NXN: variants seen among roughly 807,000 people sequenced by gnomAD.
NXN encodes the protein nucleoredoxin 1.
NXN carries 16 observed loss-of-function variants against 48.6 expected under a neutral mutation model. The observed-to-expected ratio is 0.33, with a 90% CI of 0.22 to 0.50. The LOEUF (loss-of-function observed/expected upper bound fraction) is 0.50, where lower values mean the gene tolerates loss of function less well. NXN is among the 20% of genes least tolerant of loss of function. The pLI is 0.98. For missense variants in NXN, 492 were observed against 605.5 expected (o/e 0.81, Z 1.97); for synonymous variants, 281 against 269.6 (o/e 1.04, Z -0.41).
intron 1 of NXN, among the ~76,000 whole-genome samples, chr17:952,224 G>A (rs1013903212): frequency 2.9e-5 from 3 of 102,510 alleles, no homozygotes; most frequent in African/African-American, 3.6e-5. Flanking sequence ...CAGGTACCAC[G>A]GACGGTCACA....
intron 2 of NXN, among the ~76,000 whole-genome samples, chr17:824,326 C>T (rs984487099): frequency 3.9e-5 from 6 of 152,170 alleles, no homozygotes; most frequent in Admixed American, 6.6e-5. Flanking sequence ...GAATTACAGG[C>T]GTGAGCCACC....
chr17:924,247 A>ATTTG, intron 1 of NXN, among the ~76,000 whole-genome samples: 1 of 151,286 alleles, frequency 6.6e-6, no homozygotes, highest in Non-Finnish European at 1.5e-5. Flanking sequence ...TTATTTATTT[A>ATTTG]TTTTTTGAGA....
At chr17:807,806 C>T (rs76385480) in intron 5 of NXN, among the ~76,000 whole-genome samples, 2,322 of 152,390 alleles carry the variant, frequency 0.015, 38 homozygotes, top group Admixed American at 0.045. Context: ...GCTTGGCCTA[C>T]AGCCATGACG....
chr17:897,327 C>T (rs1025716562), intron 1 of NXN, among the ~76,000 whole-genome samples: 3 of 152,206 alleles, frequency 2.0e-5, no homozygotes, highest in African/African-American at 4.8e-5. Flanking sequence ...GTCACTGAAA[C>T]AAAGCCAGCA....
chr17:887,771 ACATG>A (rs927021188), intron 1 of NXN, among the ~76,000 whole-genome samples: 26 of 151,046 alleles, frequency 1.7e-4, no homozygotes, highest in African/African-American at 6.4e-4. Flanking sequence ...ACGTGTTTCT[ACATG>A]CCTTTTCCAC....
At chr17:863,811 A>T in intron 1 of NXN, 1 of 734,070 alleles carries the variant, frequency 1.4e-6, no homozygotes, top group Non-Finnish European at 2.3e-6. Flanking sequence ...CCACATACAA[A>T]TGGACCCTTG....
chr17:859,778 G>A (rs1381789258), intron 1 of NXN, among the ~76,000 whole-genome samples: 1 of 152,178 alleles, frequency 6.6e-6, no homozygotes. Context: ...TGGCCCTCAG[G>A]CCGTTCCAGA....
At position 804,885 on chromosome 17, in the gene NXN, C is replaced by G. The variant is rs371967574; in HGVS notation, c.1000+183G>C. On this transcript the variant is annotated intron_variant, in intron 6 of 7. Coordinates refer to ENST00000336868, the MANE Select transcript of NXN (RefSeq NM_022463.5). ...TAGGAGGGAAAGTGCAGCTGCAGCTCCCACAGGGGCCAGCCATGAATAAAT... is the reference window on the plus strand; with the variant it reads ...TAGGAGGGAAAGTGCAGCTGCAGCTGCCACAGGGGCCAGCCATGAATAAAT... Among the ~76,000 whole-genome samples the G allele has an allele frequency of 6.9e-3, 1,057 of 152,294 alleles. 15 individuals are homozygous for G. The highest frequency in any genetic ancestry group is 0.024 in the African/African-American group (988 of 41,572).
rs61160867 is a variant in NXN, at chr17:882,013, G to T, written c.361-55935C>A. ...ATGGAAATGTTCTTGGTCTTGTTTGGATAATTGTTCATATCGGTATAACAG... is the reference window on the plus strand; with the variant it reads ...ATGGAAATGTTCTTGGTCTTGTTTGTATAATTGTTCATATCGGTATAACAG... On this transcript the variant is annotated intron_variant, in intron 1 of 7. Transcript: ENST00000336868. Among the ~76,000 whole-genome samples the T allele has an allele frequency of 3.5e-3, 530 of 152,250 alleles. 10 individuals are homozygous for T. The highest frequency in any genetic ancestry group is 0.012 in the African/African-American group (515 of 41,502).
intron 5 of NXN, among the ~76,000 whole-genome samples, chr17:811,552 C>T (rs1276343892): frequency 6.6e-6 from 1 of 151,936 alleles, no homozygotes; most frequent in Non-Finnish European, 1.5e-5. Flanking sequence ...TCCCACGAGA[C>T]CAGGAGGTGG....
chr17:881,288 C>T (rs958760687), intron 1 of NXN, among the ~76,000 whole-genome samples: 3 of 152,226 alleles, frequency 2.0e-5, no homozygotes, highest in African/African-American at 7.2e-5. Context: ...CTCACTGTTA[C>T]CCAGGCTGGA....
At chr17:971,453 G>A (rs930352603) in intron 1 of NXN, among the ~76,000 whole-genome samples, 1 of 152,014 alleles carries the variant, frequency 6.6e-6, no homozygotes, top group Non-Finnish European at 1.5e-5. Context: ...GCTCACGCCT[G>A]TCATCCCAGC....
At chr17:906,248 G>A (rs867427833) in intron 1 of NXN, among the ~76,000 whole-genome samples, 32 of 152,202 alleles carry the variant, frequency 2.1e-4, no homozygotes, top group Middle Eastern at 6.8e-3. Flanking sequence ...ACACAGCTCT[G>A]GGAAGTGGCA....
At chr17:840,983 G>A (rs1270293204) in intron 1 of NXN, among the ~76,000 whole-genome samples, 1 of 152,204 alleles carries the variant, frequency 6.6e-6, no homozygotes, top group Non-Finnish European at 1.5e-5. Context: ...GCGGGAGGCA[G>A]AGTGTAGGGT....
chr17:897,368 C>G (rs911025040), intron 1 of NXN, among the ~76,000 whole-genome samples: 5 of 152,298 alleles, frequency 3.3e-5, no homozygotes, highest in Middle Eastern at 3.4e-3. Context: ...ACAGGACAAT[C>G]AATTAGCAAG....
At chr17:862,905 T>C (rs945611325) in intron 1 of NXN, among the ~76,000 whole-genome samples, 1 of 152,230 alleles carries the variant, frequency 6.6e-6, no homozygotes, top group African/African-American at 2.4e-5. Context: ...GTATCAATGC[T>C]ACATTTCTTG....
intron 5 of NXN, 91 bp from the exon 6 acceptor site, chr17:805,338 C>G (rs1483044920): frequency 2.2e-6 from 3 of 1,385,124 alleles, no homozygotes; most frequent in African/African-American, 1.4e-5. Flanking sequence ...GGGGTCCCCC[C>G]GACCGTGGTG....
chr17:801,484 C>A (rs1049175280), intron 7 of NXN, among the ~76,000 whole-genome samples: 4 of 121,604 alleles, frequency 3.3e-5, no homozygotes, highest in African/African-American at 9.4e-5. Flanking sequence ...CTCGCTCTGT[C>A]ACCCAGGCTG....
At chr17:970,844 G>T (rs1393840465) in intron 1 of NXN, among the ~76,000 whole-genome samples, 1 of 152,020 alleles carries the variant, frequency 6.6e-6, no homozygotes, top group African/African-American at 2.4e-5. Context: ...GCTGGAAGAC[G>T]TAATATGTAC....
Sources: gnomAD v4.1 joint callset for allele counts (sites outside exome capture counted in the v4.1 genomes callset) on GRCh38, gnomAD v4.1.1 for gene constraint, MANE v1.5 for transcripts, NCBI Gene and HGNC (gene_info 2026-07-23, HGNC 2026-07-21) for gene names.